The following TCERG1 variants were observed in gnomAD, a reference collection of about 807,000 sequenced individuals.
The protein encoded by TCERG1 is TATA box binding protein (TBP)-associated factor, RNA polymerase II, S, 150kD.
Under a neutral mutation model 144.7 loss-of-function variants are expected in TCERG1, and 37 were observed. That is an observed-to-expected ratio of 0.26 (90% confidence interval 0.20 to 0.34). The LOEUF is 0.34. Ranked by LOEUF, TCERG1 falls within the 10% of genes least tolerant of loss-of-function variation. The pLI is 1.00. For missense variants in TCERG1, 1,027 were observed against 1,380.7 expected (o/e 0.74, Z 4.06); for synonymous variants, 492 against 458.2 (o/e 1.07, Z -0.94).
intron 15 of TCERG1, among the ~76,000 whole-genome samples, chr5:146,487,721 G>A (rs1478439548): frequency 1.5e-5 from 2 of 133,952 alleles, no homozygotes; most frequent in Non-Finnish European, 3.1e-5. Context: ...AACAGAACAA[G>A]ACCCTGTTTC....
At chr5:146,488,277 A>AGG (rs1056920095) in intron 15 of TCERG1, among the ~76,000 whole-genome samples, 38 of 152,314 alleles carry the variant, frequency 2.5e-4, no homozygotes, top group African/African-American at 8.2e-4. Flanking sequence ...CTCCATAGCA[A>AGG]GGGAAACAAC....
rs1207235572 is a variant in TCERG1, at chr5:146,460,184, C to G, written c.892+847C>G. On this transcript the variant is annotated intron_variant, in intron 4 of 22. Transcript: ENST00000679501. ...AGGAGAATTTTCAGGTGTAAACTCA[C>G]AGAGGCCCAAAGAGTAGATCTTTTC... Among the ~76,000 whole-genome samples the G allele has an allele frequency of 2.6e-5, 4 of 152,142 alleles. No individual in the cohort carries two copies. In the East Asian group the frequency reaches 7.7e-4, roughly 29 times the overall value.
chr5:146,491,143 T>C (rs1766373959), intron 15 of TCERG1, among the ~76,000 whole-genome samples: 1 of 151,836 alleles, frequency 6.6e-6, no homozygotes, highest in Admixed American at 6.6e-5. Context: ...AAATGCTGTT[T>C]GGGTACTCTT....
intron 5 of TCERG1, 25 bp from the exon 6 acceptor site, chr5:146,468,316 G>C (rs374059284): frequency 3.9e-6 from 6 of 1,546,038 alleles, no homozygotes; most frequent in South Asian, 1.2e-5. Context: ...GCTTTCCAAC[G>C]TATGCTTGCT....
intron 4 of TCERG1, among the ~76,000 whole-genome samples, chr5:146,460,189 G>T (rs1346261081): frequency 6.6e-6 from 1 of 152,118 alleles, no homozygotes; most frequent in Non-Finnish European, 1.5e-5. Flanking sequence ...ACTCACAGAG[G>T]CCCAAAGAGT....
intron 19 of TCERG1, 162 bp downstream of exon 19, chr5:146,504,168 T>C (rs1021302419): frequency 1.1e-5 from 8 of 708,408 alleles, no homozygotes; most frequent in Non-Finnish European, 1.6e-5. Context: ...ACTGTTAGTA[T>C]AGGAAAAAAC....
At chr5:146,484,675 G>T (rs1343006375) in intron 15 of TCERG1, among the ~76,000 whole-genome samples, 1 of 152,122 alleles carries the variant, frequency 6.6e-6, no homozygotes, top group Non-Finnish European at 1.5e-5. Flanking sequence ...CAAACTCTGT[G>T]TGAGTTTTTT....
At position 146,483,569 on chromosome 5, in the gene TCERG1, G is replaced by A; in HGVS notation, c.2103G>A (p.Glu701=). The change falls in exon 15 of 23, where the codon GAG becomes GAA. Residue 701 remains glutamate, a synonymous_variant. Transcript: ENST00000679501. ...GVSAFSTWEK[E]LHKIVFDPRY... The stretch of plus-strand genomic sequence containing the variant: ...CTGCTTTTTCAACGTGGGAGAAGGA[G>A]TTGCACAAGATAGTTTTTGATCCCC... 1 of 1,612,688 alleles carries A rather than the reference G, an allele frequency of 6.2e-7. No individual in the cohort carries two copies. The highest frequency in any genetic ancestry group is 8.5e-7 in the Non-Finnish European group (1 of 1,179,218).
At chr5:146,499,981 ATTTTTTTAGTC>A (rs1284472155) in intron 17 of TCERG1, 1 of 152,032 alleles carries the variant, frequency 6.6e-6, no homozygotes, top group Non-Finnish European at 1.5e-5. Context: ...GGTACTTTAC[ATTTTTTTAGTC>A]TTTTTCCTTA....
At chr5:146,467,165 G>T (rs1763869916) in intron 5 of TCERG1, among the ~76,000 whole-genome samples, 1 of 151,904 alleles carries the variant, frequency 6.6e-6, no homozygotes, top group African/African-American at 2.4e-5. Flanking sequence ...AGAAATAAAG[G>T]TACTTTTCAA....
chr5:146,460,462 C>A (rs1763246751), intron 4 of TCERG1, among the ~76,000 whole-genome samples: 1 of 151,220 alleles, frequency 6.6e-6, no homozygotes, highest in Non-Finnish European at 1.5e-5. Flanking sequence ...GCACTTGTCT[C>A]AAGATACACA....
At chr5:146,500,575 A>G (rs1215748953) in intron 17 of TCERG1, among the ~76,000 whole-genome samples, 1 of 152,232 alleles carries the variant, frequency 6.6e-6, no homozygotes, top group African/African-American at 2.4e-5. Context: ...TTTAAAACTA[A>G]TTTTGAAAAC....
Position 146,455,150 on chromosome 5 carries a change from C to G in TCERG1, c.154C>G (p.Pro52Ala). ...ACCACCTCTGATGCGACCTCCTCCA[C>G]CTTTTGGTATGATGCGAGGCCCTCC... ...GPPPLMRPPPPFGMMRGPPPP... is the reference protein window; with the variant it reads ...GPPPLMRPPPAFGMMRGPPPP... The change falls in exon 2 of 23, where the codon CCT (proline) becomes GCT (alanine). Residue 52 changes from proline to alanine, a missense_variant. Physicochemically the swap from Pro to Ala is conservative, Grantham distance 27. Around this residue, in one of 6 missense-constraint regions of TCERG1, gnomAD observed 175 missense variants for 197.0 expected, o/e 0.89. Transcript: ENST00000679501. 6.2e-7 allele frequency: 1 copy of G among 1,614,252 alleles called. No individual in the cohort carries two copies. The highest frequency in any genetic ancestry group is 8.5e-7 in the Non-Finnish European group (1 of 1,180,048).
intron 9 of TCERG1, among the ~76,000 whole-genome samples, chr5:146,474,663 C>A (rs1764666446): frequency 6.6e-6 from 1 of 152,100 alleles, no homozygotes; most frequent in Non-Finnish European, 1.5e-5. Flanking sequence ...CACAGCTACC[C>A]CAGTCATCAG....
At chr5:146,505,490 T>C (rs56040772) in intron 19 of TCERG1, 41,267 of 150,748 alleles carry the variant, frequency 0.27, 6,777 homozygotes, top group East Asian at 0.84. Context: ...TTCTTCATTG[T>C]TCCTTGAACT....
Position 146,463,673 on chromosome 5 carries a change from A to T in TCERG1, c.1015A>T (p.Thr339Ser), listed in dbSNP as rs966071485. 1 of 1,614,168 alleles carries T rather than the reference A, an allele frequency of 6.2e-7. No individual in the cohort carries two copies. The highest frequency in any genetic ancestry group is 8.5e-7 in the Non-Finnish European group (1 of 1,180,026). ...VQTVPQPHPQTLPPAVPHSVP... is the reference protein window; with the variant it reads ...VQTVPQPHPQSLPPAVPHSVP... ...AACCGTTCCCCAGCCGCACCCTCAG[A>T]CGTTACCTCCTGCTGTTCCTCATTC... The change falls in exon 5 of 23, where the codon ACG (threonine) becomes TCG (serine). Residue 339 changes from threonine to serine, a missense_variant. By Grantham distance (58) the Thr-to-Ser change is moderately conservative (BLOSUM62 1). Around this residue, in one of 6 missense-constraint regions of TCERG1, gnomAD observed 187 missense variants for 169.1 expected, o/e 1.11. Transcript: ENST00000679501.
At chr5:146,481,308 A>G (rs1765343229) in intron 13 of TCERG1, 108 bp downstream of exon 13, 2 of 470,184 alleles carry the variant, frequency 4.3e-6, no homozygotes, top group African/African-American at 2.1e-5. Flanking sequence ...GTATAGTTCT[A>G]TAAAGGTTAT....
intron 13 of TCERG1, 173 bp from the exon 14 acceptor site, chr5:146,482,419 T>C: frequency 2.1e-6 from 1 of 472,968 alleles, no homozygotes; most frequent in Non-Finnish European, 3.7e-6. Flanking sequence ...ATTTTGTTAT[T>C]ATGAAAGTTA....
At chr5:146,506,484 C>T (rs1362659789) in intron 19 of TCERG1, among the ~76,000 whole-genome samples, 3 of 152,138 alleles carry the variant, frequency 2.0e-5, no homozygotes, top group Non-Finnish European at 4.4e-5. Flanking sequence ...ACATATTCAT[C>T]ACTTTGTTTG....
Sources: gnomAD v4.1 joint callset for allele counts (sites outside exome capture counted in the v4.1 genomes callset) on GRCh38, gnomAD v4.1.1 for gene constraint, gnomAD v4.1.1 regional missense constraint, MANE v1.5 for transcripts, NCBI Gene and HGNC (gene_info 2026-07-23, HGNC 2026-07-21) for gene names.